Variants in RASEF observed in about 807,000 individuals in gnomAD.
RASEF encodes RAS and EF-hand domain containing.
A neutral mutation model predicts 90.1 loss-of-function variants in RASEF; 68 were observed. The observed-to-expected ratio is 0.75, with a 90% confidence interval of 0.62 to 0.92. The LOEUF (loss-of-function observed/expected upper bound fraction) is 0.92. Ranked by LOEUF, RASEF falls within the 40% of genes least tolerant of loss-of-function variation. The pLI is 0.00. For synonymous variants in RASEF, 331 were observed against 345.2 expected, an observed-to-expected ratio of 0.96 and a Z score of 0.46; for missense variants, 949 against 937.2, an observed-to-expected ratio of 1.01 and a Z score of -0.16.
chr9:83,068,076 G>T (rs1162638182), upstream of RASEF, among the ~76,000 whole-genome samples: 1 of 152,012 alleles, frequency 6.6e-6, no homozygotes, highest in Non-Finnish European at 1.5e-5. Flanking sequence ...GTTTCTCTAC[G>T]TTGCCCAGAC....
At chr9:83,069,133 G>A in the RASEF span, among the ~76,000 whole-genome samples, 1 of 152,086 alleles carries the variant, frequency 6.6e-6, no homozygotes, top group African/African-American at 2.4e-5. Context: ...TGAGCGTTTC[G>A]ACCACTGTTA....
the RASEF span, among the ~76,000 whole-genome samples, chr9:83,206,348 C>T: frequency 6.6e-6 from 1 of 152,152 alleles, no homozygotes; most frequent in Non-Finnish European, 1.5e-5. Context: ...AGGCAAATTT[C>T]TATTTTCTAA....
chr9:83,203,118 C>T, the RASEF span, among the ~76,000 whole-genome samples: 4 of 151,986 alleles, frequency 2.6e-5, no homozygotes, highest in African/African-American at 4.8e-5. Context: ...AATAGACGAT[C>T]GACAGCAATC....
At chr9:83,199,864 G>T in the RASEF span, among the ~76,000 whole-genome samples, 3 of 152,134 alleles carry the variant, frequency 2.0e-5, no homozygotes, top group Admixed American at 1.3e-4. Flanking sequence ...ACTGGACTAG[G>T]AGCTAGTTGC....
the RASEF span, among the ~76,000 whole-genome samples, chr9:83,125,240 A>G: frequency 6.6e-6 from 1 of 152,124 alleles, no homozygotes; most frequent in African/African-American, 2.4e-5. Flanking sequence ...GGTTACAGAA[A>G]CAGTGGACAA....
the RASEF span, among the ~76,000 whole-genome samples, chr9:83,184,193 G>A: frequency 6.6e-6 from 1 of 152,170 alleles, no homozygotes; most frequent in Non-Finnish European, 1.5e-5. Flanking sequence ...GTAGGGCTTG[G>A]GAGGGACAAG....
At chr9:83,167,922 T>A in the RASEF span, among the ~76,000 whole-genome samples, 16 of 152,190 alleles carry the variant, frequency 1.1e-4, no homozygotes, top group Admixed American at 1.0e-3. Flanking sequence ...TGATGATATT[T>A]GAATCACTTC....
At chr9:83,068,908 A>G in the RASEF span, among the ~76,000 whole-genome samples, 3 of 152,254 alleles carry the variant, frequency 2.0e-5, no homozygotes, top group South Asian at 4.1e-4. Context: ...ACTATTTGTC[A>G]TGCAAGTTTA....
chr9:83,200,719 G>A, the RASEF span, among the ~76,000 whole-genome samples: 1 of 152,100 alleles, frequency 6.6e-6, no homozygotes, highest in African/African-American at 2.4e-5. Context: ...GTATCCCCAG[G>A]TTCTAAAGCA....
intron 3 of RASEF, among the ~76,000 whole-genome samples, chr9:83,020,342 C>G (rs919023582): frequency 1.4e-4 from 22 of 151,994 alleles, no homozygotes; most frequent in Admixed American, 7.9e-4. Context: ...GGCCACTGGG[C>G]CAGGGCTGGG....
the RASEF span, among the ~76,000 whole-genome samples, chr9:83,187,201 G>T: frequency 6.6e-6 from 1 of 152,036 alleles, no homozygotes; most frequent in Admixed American, 6.6e-5. Flanking sequence ...TCTGCTTCCT[G>T]ACTATCTGGT....
intron 4 of RASEF, among the ~76,000 whole-genome samples, chr9:83,013,196 C>T (rs565743765): frequency 1.1e-4 from 17 of 152,218 alleles, no homozygotes; most frequent in Admixed American, 9.8e-4. Context: ...CATTTATAAC[C>T]TGGAGAACAA....
the RASEF span, among the ~76,000 whole-genome samples, chr9:83,182,670 C>A: frequency 6.6e-6 from 1 of 152,010 alleles, no homozygotes; most frequent in African/African-American, 2.4e-5. Flanking sequence ...TAATCAACTA[C>A]ATTATCATTA....
the RASEF span, among the ~76,000 whole-genome samples, chr9:83,207,669 G>A: frequency 3.2e-5 from 4 of 124,412 alleles, no homozygotes; most frequent in Admixed American, 2.2e-4. Context: ...GCGCAGTGGC[G>A]CAATCTCAGC....
intron 1 of RASEF, among the ~76,000 whole-genome samples, chr9:83,027,839 A>C (rs868750678): frequency 1.4e-4 from 22 of 151,884 alleles, no homozygotes; most frequent in African/African-American, 4.8e-4. Context: ...GTGTAGACTT[A>C]ATAAGCCCAC....
chr9:83,180,852 A>C, the RASEF span, among the ~76,000 whole-genome samples: 1 of 152,012 alleles, frequency 6.6e-6, no homozygotes, highest in Non-Finnish European at 1.5e-5. Flanking sequence ...TGTAAGAGGA[A>C]CACTCACCTA....
chr9:83,187,745 C>A, the RASEF span, among the ~76,000 whole-genome samples: 1 of 152,230 alleles, frequency 6.6e-6, no homozygotes, highest in East Asian at 1.9e-4. Flanking sequence ...CCCTTCTTCC[C>A]TCTACCTTCC....
upstream of RASEF, among the ~76,000 whole-genome samples, chr9:83,065,122 T>A (rs1025525322): frequency 1.3e-5 from 2 of 152,096 alleles, no homozygotes; most frequent in African/African-American, 4.8e-5. Flanking sequence ...CCAAATGTCT[T>A]GTGCATGCAT....
At chr9:83,129,383 G>GGTGACA in the RASEF span, among the ~76,000 whole-genome samples, 1 of 150,282 alleles carries the variant, frequency 6.7e-6, no homozygotes, top group African/African-American at 2.5e-5. Flanking sequence ...CTCCAGCATG[G>GGTGACA]GTGACAGAAC....
Sources: allele counts gnomAD v4.1 joint callset (sites outside exome capture counted in the v4.1 genomes callset), GRCh38; gene constraint gnomAD v4.1.1; transcripts MANE v1.5; gene names NCBI Gene and HGNC (gene_info 2026-07-23, HGNC 2026-07-21).